LDLRAD4: variants seen among roughly 807,000 people sequenced by gnomAD.
LDLRAD4 encodes low-density lipoprotein receptor class A domain-containing protein 4.
A neutral mutation model predicts 17.0 loss-of-function variants in LDLRAD4; 5 were observed. The observed-to-expected ratio is 0.29, with a 90% CI of 0.15 to 0.62. The LOEUF is 0.62. Ranked by LOEUF, LDLRAD4 falls within the 20% of genes least tolerant of loss-of-function variation. The pLI, the probability that LDLRAD4 is intolerant of heterozygous loss-of-function variation, is 0.84. For synonymous variants in LDLRAD4, 168 were observed against 171.8 expected (o/e 0.98, Z 0.17); for missense variants, 340 against 424.7 (o/e 0.80, Z 1.75).
chr18:13,648,920 T>C (rs759566972), exon 6 of LDLRAD4: 17 of 152,190 alleles, frequency 1.1e-4, no homozygotes, highest in Non-Finnish European at 2.2e-4. Flanking sequence ...CAATCCTTAA[T>C]GGAAAAGAGA....
intron 3 of LDLRAD4, chr18:13,487,511 A>G (rs1358867864): frequency 1.3e-5 from 2 of 152,256 alleles, no homozygotes; most frequent in African/African-American, 4.8e-5. Flanking sequence ...TGTGGCTACC[A>G]AGGCCGAGAA....
At chr18:13,329,342 C>T (rs2081718807) in intron 1 of LDLRAD4, among the ~76,000 whole-genome samples, 1 of 152,164 alleles carries the variant, frequency 6.6e-6, no homozygotes, top group African/African-American at 2.4e-5. Flanking sequence ...TTAAAGGTTT[C>T]TGTCAGCCTA....
intron 3 of LDLRAD4, among the ~76,000 whole-genome samples, chr18:13,553,840 G>A (rs2094458493): frequency 1.3e-5 from 2 of 152,124 alleles, no homozygotes; most frequent in Non-Finnish European, 2.9e-5. Flanking sequence ...GGCCTTGCGA[G>A]CGTGTCTATG....
intron 2 of LDLRAD4, among the ~76,000 whole-genome samples, chr18:13,437,499 C>T (rs985320711): frequency 2.6e-5 from 4 of 152,204 alleles, no homozygotes; most frequent in Admixed American, 6.5e-5. Flanking sequence ...TCCTACAAAA[C>T]TGAATTCCAT....
chr18:13,598,351 T>C (rs1018339915), intron 3 of LDLRAD4, among the ~76,000 whole-genome samples: 3 of 152,260 alleles, frequency 2.0e-5, no homozygotes, highest in African/African-American at 7.2e-5. Context: ...CTTTGCTTCA[T>C]ATTTCTGTCA....
rs527951608 is a variant in LDLRAD4, at chr18:13,243,460, G to A, written c.-467+24472G>A. Among the ~76,000 whole-genome samples, 380 of 138,496 alleles carry A rather than the reference G, an allele frequency of 2.7e-3. 1 individual carries two copies. Among genetic ancestry groups the A allele is most frequent in the African/African-American group, 9.9e-3 (362 of 36,504 alleles). 90.9% of individuals were successfully genotyped at this position (138,496 alleles called of 152,430 possible). On this transcript the variant is annotated intron_variant, in intron 1 of 5. Coordinates refer to the LDLRAD4 transcript ENST00000399848. ...TGTACACCCACCCAGCCACCCACTC[G>A]TTCATCTGTCCTTCCATCCGTGCAC...
intron 1 of LDLRAD4, among the ~76,000 whole-genome samples, chr18:13,370,193 C>T (rs2867877): frequency 0.5 from 76,766 of 152,148 alleles, 21,329 homozygotes; most frequent in Non-Finnish European, 0.63. Context: ...AGCACACATT[C>T]ATACACCACT....
At chr18:13,562,713 A>G (rs970154174) in intron 3 of LDLRAD4, among the ~76,000 whole-genome samples, 1 of 152,164 alleles carries the variant, frequency 6.6e-6, no homozygotes, top group African/African-American at 2.4e-5. Context: ...TTTAGATGCA[A>G]CATGTGAGAT....
At chr18:13,436,805 C>T (rs959497839) in intron 2 of LDLRAD4, among the ~76,000 whole-genome samples, 5 of 152,238 alleles carry the variant, frequency 3.3e-5, no homozygotes, top group Admixed American at 6.5e-5. Context: ...TGGATGGCGC[C>T]GCTAGCGAGG....
At chr18:13,514,485 G>A (rs1334688529) in intron 3 of LDLRAD4, 2 of 152,132 alleles carry the variant, frequency 1.3e-5, no homozygotes, top group Admixed American at 1.3e-4. Context: ...TCCGAGTCAG[G>A]TGGGCCTCGC....
At chr18:13,494,504 G>T (rs2093419749) in intron 3 of LDLRAD4, among the ~76,000 whole-genome samples, 1 of 149,988 alleles carries the variant, frequency 6.7e-6, no homozygotes, top group African/African-American at 2.5e-5. Flanking sequence ...CTTCGCATTT[G>T]CCTGTTTTAT....
At chr18:13,473,298 T>C (rs2092827815) in intron 3 of LDLRAD4, among the ~76,000 whole-genome samples, 2 of 152,180 alleles carry the variant, frequency 1.3e-5, no homozygotes, top group Admixed American at 1.3e-4. Flanking sequence ...CCAGCTTCTC[T>C]AGTTGTTTAT....
At chr18:13,436,298 A>G (rs1008928483) in intron 2 of LDLRAD4, among the ~76,000 whole-genome samples, 2 of 152,260 alleles carry the variant, frequency 1.3e-5, no homozygotes, top group Non-Finnish European at 1.5e-5. Flanking sequence ...GGTTATATGA[A>G]CGAATGAATG....
intron 3 of LDLRAD4, among the ~76,000 whole-genome samples, chr18:13,483,635 C>T (rs991079953): frequency 2.0e-5 from 3 of 152,170 alleles, no homozygotes; most frequent in African/African-American, 4.8e-5. Flanking sequence ...ATGTGTTTGC[C>T]GGATGCTTAC....
chr18:13,345,259 A>G (rs1203688650), intron 1 of LDLRAD4, among the ~76,000 whole-genome samples: 4 of 152,160 alleles, frequency 2.6e-5, no homozygotes, highest in Non-Finnish European at 5.9e-5. Context: ...ACATCCCATG[A>G]ATACCTAATT....
chr18:13,567,707 GA>G (rs1379034619), intron 3 of LDLRAD4, among the ~76,000 whole-genome samples: 2 of 151,384 alleles, frequency 1.3e-5, no homozygotes, highest in African/African-American at 4.9e-5. Flanking sequence ...TGGTAAAATA[GA>G]GAAAGTTCCC....
chr18:13,415,370 T>G (rs1040050758), intron 2 of LDLRAD4, among the ~76,000 whole-genome samples: 1 of 152,178 alleles, frequency 6.6e-6, no homozygotes, highest in Non-Finnish European at 1.5e-5. Flanking sequence ...AGACGAGGCT[T>G]GCGTGCCTGT....
At chr18:13,633,252 G>A (rs1254590035) in intron 4 of LDLRAD4, among the ~76,000 whole-genome samples, 1 of 152,248 alleles carries the variant, frequency 6.6e-6, no homozygotes, top group Non-Finnish European at 1.5e-5. Flanking sequence ...CATGCTGATT[G>A]GTCCATGGAC....
At chr18:13,471,819 T>G (rs4796984) in intron 3 of LDLRAD4, 26,704 of 152,324 alleles carry the variant, frequency 0.18, 2,880 homozygotes, top group East Asian at 0.39. Flanking sequence ...CCATTTTTCT[T>G]GAAGAACAGT....
Sources: gnomAD v4.1 joint callset for allele counts (sites outside exome capture counted in the v4.1 genomes callset) on GRCh38, gnomAD v4.1.1 for gene constraint, MANE v1.5 for transcripts, NCBI Gene and HGNC (gene_info 2026-07-23, HGNC 2026-07-21) for gene names.